The following BEST3 variants were observed in gnomAD, a reference collection of about 807,000 sequenced individuals.
The protein encoded by BEST3 is bestrophin-3.
In BEST3, 50 loss-of-function variants were observed where a neutral mutation model predicts 47.1. The ratio of observed to expected loss-of-function variants is 1.06; its 90% CI spans 0.85 to 1.34. The LOEUF is 1.34. Ranked by LOEUF, BEST3 falls within the 40% of genes most tolerant of loss-of-function variation. The pLI is 0.00. For missense variants in BEST3, 765 were observed against 817.0 expected (o/e 0.94, Z 0.78); for synonymous variants, 282 against 298.8 (o/e 0.94, Z 0.58).
rs1883336611 is a variant in BEST3 at position 69,654,531 on chromosome 12, C to T, written c.*376G>A. The T allele has an allele frequency of 7.0e-6, 7 of 998,272 alleles. No individual in the cohort carries two copies. The highest frequency in any genetic ancestry group is 5.8e-5 in the Admixed American group (1 of 17,144). 61.8% of individuals were successfully genotyped at this position (998,272 alleles called of 1,614,324 possible). ...AAAAGAAGAGAAATAGAGAACCCTG[C>T]GTGTCTGGGCCTTTGGGTCTAGGGG... On this transcript the variant is annotated 3_prime_UTR_variant, in exon 10 of 10. Coordinates refer to ENST00000330891, the MANE Select transcript of BEST3 (RefSeq NM_032735.3).
chr12:69,661,804 G>A (rs1000917147), intron 9 of BEST3, among the ~76,000 whole-genome samples: 2 of 152,120 alleles, frequency 1.3e-5, no homozygotes, highest in African/African-American at 2.4e-5. Flanking sequence ...TGCATTTAGG[G>A]CTGATGACCC....
rs534979936 is a variant in BEST3 at position 69,645,589 on chromosome 12, G to A, written c.1101-1802C>T. On this transcript the variant is annotated intron_variant, in intron 9 of 9. Transcript: ENST00000331471. ...TAACCTAGTTAACTGTTACAGATGC[G>A]GTGTGGAATAGCAGAATCAGCAATG... Among the ~76,000 whole-genome samples the A allele has an allele frequency of 1.5e-4, 23 of 152,260 alleles. 1 individual carries two copies. The highest frequency in any genetic ancestry group is 4.8e-4 in the African/African-American group (20 of 41,554).
intron 4 of BEST3, among the ~76,000 whole-genome samples, chr12:69,680,310 C>CTTCTTTTTTTTTTTTTTTT (rs763385722): frequency 0.037 from 3,471 of 94,432 alleles, 555 homozygotes; most frequent in South Asian, 0.082. Flanking sequence ...TACACTTGAT[C>CTTCTTTTTTTTTTTTTTTT]TTTTTTTTTT....
intron 9 of BEST3, 105 bp downstream of exon 9, chr12:69,671,323 G>T: frequency 8.5e-7 from 1 of 1,171,442 alleles, no homozygotes; most frequent in South Asian, 1.9e-5. Flanking sequence ...CATCACAGTT[G>T]GCTACTTTAA....
chr12:69,644,729 T>C (rs887308962), intron 9 of BEST3, among the ~76,000 whole-genome samples: 1 of 152,220 alleles, frequency 6.6e-6, no homozygotes, highest in Non-Finnish European at 1.5e-5. Flanking sequence ...GTTAGGCATG[T>C]AAGTACAGCA....
intron 1 of BEST3, 53 bp downstream of exon 1, chr12:69,699,152 C>T: frequency 1.1e-6 from 1 of 932,600 alleles, no homozygotes; most frequent in African/African-American, 1.8e-5. Context: ...AAATGAAAAT[C>T]ACAGCAAGTA....
intron 4 of BEST3, among the ~76,000 whole-genome samples, chr12:69,692,648 T>G (rs959688628): frequency 3.3e-5 from 5 of 152,258 alleles, no homozygotes; most frequent in Non-Finnish European, 5.9e-5. Flanking sequence ...GGTTATAACC[T>G]TTCTGAATCT....
intron 7 of BEST3, among the ~76,000 whole-genome samples, chr12:69,673,726 G>A (rs1264237538): frequency 6.6e-6 from 1 of 152,148 alleles, no homozygotes; most frequent in African/African-American, 2.4e-5. Context: ...TTACAGGTGT[G>A]AGCCACTGTG....
chr12:69,685,017 TTCTA>T (rs1885489412), intron 4 of BEST3, among the ~76,000 whole-genome samples: 1 of 151,612 alleles, frequency 6.6e-6, no homozygotes, highest in Non-Finnish European at 1.5e-5. Context: ...TTCTATTCTA[TTCTA>T]TTCTATTCTA....
intron 4 of BEST3, among the ~76,000 whole-genome samples, chr12:69,684,828 G>A (rs1397177630): frequency 6.6e-6 from 1 of 152,194 alleles, no homozygotes; most frequent in Non-Finnish European, 1.5e-5. Context: ...AAATGAGATT[G>A]AGAGAGGGAT....
chr12:69,698,626 T>C (rs1005967047), intron 1 of BEST3, among the ~76,000 whole-genome samples: 3 of 152,222 alleles, frequency 2.0e-5, no homozygotes, highest in Non-Finnish European at 4.4e-5. Flanking sequence ...TAGAGCTACT[T>C]AGACTGAAAT....
intron 4 of BEST3, among the ~76,000 whole-genome samples, chr12:69,681,752 C>G (rs1384232481): frequency 1.3e-5 from 2 of 152,128 alleles, no homozygotes; most frequent in Non-Finnish European, 2.9e-5. Flanking sequence ...CAACCCAAGT[C>G]TGCACCTTAG....
At chr12:69,695,638 A>C (rs1378144170) in intron 2 of BEST3, among the ~76,000 whole-genome samples, 1 of 152,198 alleles carries the variant, frequency 6.6e-6, no homozygotes, top group African/African-American at 2.4e-5. Flanking sequence ...TTAAATGTGG[A>C]AAGCATGGAC....
At chr12:69,698,978 T>C (rs1297699258) in intron 1 of BEST3, among the ~76,000 whole-genome samples, 1 of 152,252 alleles carries the variant, frequency 6.6e-6, no homozygotes, top group Non-Finnish European at 1.5e-5. Flanking sequence ...ACCTTGTCTA[T>C]TTGCCTAGTG....
In BEST3 at chr12:69,697,991, A is replaced by C. The variant is rs1886197088; in HGVS notation, c.-15-178T>G. 2.0e-5 allele frequency among the ~76,000 whole-genome samples: 3 copies of C among 152,268 alleles called. No homozygotes were observed. In the South Asian group the frequency reaches 6.2e-4, roughly 32 times the overall value. ...GATAACCATTATCTCAGTTTAGCAG[A>C]AAGCAGGAGGAAAGCAGTCTCTGGG... On this transcript the variant is annotated intron_variant, in intron 1 of 9. Coordinates refer to ENST00000330891, the MANE Select transcript of BEST3 (RefSeq NM_032735.3).
At chr12:69,694,696 A>C (rs1359824494) in intron 2 of BEST3, among the ~76,000 whole-genome samples, 1 of 152,186 alleles carries the variant, frequency 6.6e-6, no homozygotes, top group Non-Finnish European at 1.5e-5. Flanking sequence ...GGATTAATTA[A>C]TCATTTTATT....
At chr12:69,661,363 A>G (rs991721428) in intron 9 of BEST3, 1 of 152,224 alleles carries the variant, frequency 6.6e-6, no homozygotes, top group African/African-American at 2.4e-5. Context: ...GAAATGAGGA[A>G]TTTAGGAAAA....
chr12:69,668,114 T>C (rs1884342284), intron 9 of BEST3, among the ~76,000 whole-genome samples: 1 of 152,200 alleles, frequency 6.6e-6, no homozygotes, highest in Non-Finnish European at 1.5e-5. Flanking sequence ...ATGTGCTGGC[T>C]GGGAGGCAGG....
At chr12:69,645,312 T>C (rs981101046) in intron 9 of BEST3, among the ~76,000 whole-genome samples, 1 of 152,168 alleles carries the variant, frequency 6.6e-6, no homozygotes, top group Admixed American at 6.5e-5. Flanking sequence ...CTAAGTTTTT[T>C]CCCCAAACCC....
Sources: gnomAD v4.1 joint callset for allele counts (sites outside exome capture counted in the v4.1 genomes callset) on GRCh38, gnomAD v4.1.1 for gene constraint, MANE v1.5 for transcripts, NCBI Gene and HGNC (gene_info 2026-07-23, HGNC 2026-07-21) for gene names.